The following RUVBL1 variants were observed in gnomAD, a reference collection of about 807,000 sequenced individuals.
The protein encoded by RUVBL1 is ruvB-like 1.
Under a neutral mutation model 52.4 loss-of-function variants are expected in RUVBL1, and 4 were observed. The ratio of observed to expected loss-of-function variants is 0.08; its 90% CI spans 0.04 to 0.17. The LOEUF (loss-of-function observed/expected upper bound fraction) is 0.17, where lower values mean the gene tolerates loss of function less well. RUVBL1 is among the 10% of genes least tolerant of loss of function. RUVBL1 has a pLI of 1.00. For missense variants in RUVBL1, 298 were observed against 572.8 expected, an observed-to-expected ratio of 0.52 and a Z score of 4.90; for synonymous variants, 217 against 214.4, an observed-to-expected ratio of 1.01 and a Z score of -0.10.
At chr3:128,141,484 T>TTTTTCTTTTC (rs112847567) in intron 1 of RUVBL1, among the ~76,000 whole-genome samples, 2 of 150,788 alleles carry the variant, frequency 1.3e-5, no homozygotes, top group African/African-American at 2.4e-5. Flanking sequence ...ACATGGACTT[T>TTTTTCTTTTC]TTTTCTTTTC....
chr3:128,137,469 A>C (rs531781374), intron 1 of RUVBL1, among the ~76,000 whole-genome samples: 1 of 152,346 alleles, frequency 6.6e-6, no homozygotes, highest in African/African-American at 2.4e-5. Context: ...TGACATATAC[A>C]ACCTGCCAAG....
chr3:128,152,569 CT>C (rs1430723056), intron 1 of RUVBL1, among the ~76,000 whole-genome samples: 2 of 152,182 alleles, frequency 1.3e-5, no homozygotes, highest in African/African-American at 2.4e-5. Context: ...CCCTCACCCC[CT>C]GAATGTAATA....
At chr3:128,112,192 C>T (rs907790208) in intron 3 of RUVBL1, among the ~76,000 whole-genome samples, 1 of 152,182 alleles carries the variant, frequency 6.6e-6, no homozygotes, top group East Asian at 1.9e-4. Flanking sequence ...AAAGAGAAGC[C>T]ATTTTCTTCT....
chr3:128,119,312 G>A lies in RUVBL1; in HGVS notation c.228+16C>T. 6.2e-7 allele frequency: 1 copy of A among 1,603,122 alleles called. No individual in the cohort carries two copies. Among genetic ancestry groups the A allele is most frequent in the South Asian group, 1.1e-5 (1 of 90,434 alleles). On this transcript the variant is annotated intron_variant, in intron 2 of 10. Coordinates refer to ENST00000322623, the MANE Select transcript of RUVBL1 (RefSeq NM_003707.3). ...ATTCTCCTGGGTAGATTTAAAAAAT[G>A]AGAGAAAATGAGTACCTTGCCAGTT...
chr3:128,109,228 A>G (rs945749343), intron 3 of RUVBL1, among the ~76,000 whole-genome samples: 4 of 152,098 alleles, frequency 2.6e-5, no homozygotes, highest in East Asian at 3.9e-4. Context: ...ATCCTTCTCT[A>G]TAAGTTTGTA....
In RUVBL1 at chr3:128,082,610, G is replaced by A; in HGVS notation, c.1120-36C>T. 6.7e-7 allele frequency: 1 copy of A among 1,482,250 alleles called. No homozygotes were observed. Among genetic ancestry groups the A allele is most frequent in the Non-Finnish European group, 9.4e-7 (1 of 1,067,840 alleles). 91.8% of individuals were successfully genotyped at this position (1,482,250 alleles called of 1,614,324 possible). On this transcript the variant is annotated intron_variant, in intron 9 of 10. Coordinates refer to ENST00000322623, the MANE Select transcript of RUVBL1 (RefSeq NM_003707.3). The surrounding 1 kb of genome is among the most constrained non-coding windows in gnomAD (Gnocchi z 4.7). ...ATAAAAAACATGATCAACGGTGACT[G>A]ACCTCAAGTGCCCCATTTCTAAAGT...
intron 1 of RUVBL1, among the ~76,000 whole-genome samples, chr3:128,136,636 A>AC (rs1267255445): frequency 3.3e-5 from 5 of 151,750 alleles, no homozygotes; most frequent in East Asian, 3.9e-4. Flanking sequence ...AAAAAAAAAA[A>AC]AAAACAATGA....
rs866310364 is a variant in RUVBL1, at chr3:128,105,871, T to C, written c.362-947A>G. On this transcript the variant is annotated intron_variant, in intron 3 of 10. Coordinates refer to ENST00000322623, the MANE Select transcript of RUVBL1 (RefSeq NM_003707.3). ...TTTCTTTCTTTCCCTTTTTCTTTTT[T>C]TTTTTTTTTTTTTTTTGAGATAGAA... Among the ~76,000 whole-genome samples, 799 of 139,540 alleles carry C rather than the reference T, an allele frequency of 5.7e-3. 3 individuals are homozygous for C. The highest frequency in any genetic ancestry group is 7.5e-3 in the African/African-American group (285 of 37,888). 91.5% of individuals were successfully genotyped at this position (139,540 alleles called of 152,430 possible). A position where few individuals can be genotyped will look rare whatever the true frequency, so the allele number is the denominator to read the frequency against.
intron 1 of RUVBL1, among the ~76,000 whole-genome samples, chr3:128,122,672 TA>T (rs1284592295): frequency 6.6e-6 from 1 of 152,222 alleles, no homozygotes; most frequent in East Asian, 1.9e-4. Context: ...CTTAACTTTA[TA>T]TTAAGTGAAG....
At chr3:128,123,507 G>A in intron 1 of RUVBL1, 77 bp downstream of exon 1, 2 of 1,413,450 alleles carry the variant, frequency 1.4e-6, no homozygotes, top group Non-Finnish European at 9.4e-7. Flanking sequence ...ATCCCGCCCC[G>A]AGCCACCGAC....
upstream of RUVBL1, among the ~76,000 whole-genome samples, chr3:128,128,047 CATACATAA>C (rs1189913242): frequency 3.8e-4 from 56 of 147,868 alleles, no homozygotes; most frequent in African/African-American, 1.3e-3. Flanking sequence ...TACATACATA[CATACATAA>C]ATACATAAAC....
chr3:128,074,484 A>G (rs9857070), intron 9 of RUVBL1, among the ~76,000 whole-genome samples: 6,643 of 152,226 alleles, frequency 0.044, 482 homozygotes, highest in African/African-American at 0.15. Flanking sequence ...GGGTTTCATT[A>G]GTCAGAACTC....
intron 1 of RUVBL1, among the ~76,000 whole-genome samples, chr3:128,145,440 C>A (rs578004361): frequency 2.0e-5 from 3 of 152,328 alleles, no homozygotes; most frequent in Admixed American, 1.3e-4. Flanking sequence ...CATTTGTCCT[C>A]AAAAAGCATG....
Position 128,067,723 on chromosome 3 carries a change from G to A in RUVBL1, c.940-2503C>T, listed in dbSNP as rs41266493. 4.8e-3 allele frequency: 4,437 copies of A among 926,024 alleles called. 29 individuals carry two copies. Among genetic ancestry groups the A allele is most frequent in the Non-Finnish European group, 4.9e-3 (2,980 of 614,118 alleles). 57.4% of individuals were successfully genotyped at this position (926,024 alleles called of 1,614,324 possible). A position where few individuals can be genotyped will look rare whatever the true frequency, so the allele number is the denominator to read the frequency against. ...GGTCTGTGACGTGTGCAGATAGATCGTCGTCCTTTAGGGGGCAGTTCAGAA... is the reference window on the plus strand; with the variant it reads ...GGTCTGTGACGTGTGCAGATAGATCATCGTCCTTTAGGGGGCAGTTCAGAA... On this transcript the variant is annotated intron_variant, in intron 9 of 9. Transcript: ENST00000464873. The surrounding 1 kb of genome is among the most constrained non-coding windows in gnomAD (Gnocchi z 4.1).
At chr3:128,077,459 GGGGTGAACACTGTTCTACCTCCCGA>G (rs1401154045), downstream of RUVBL1, among the ~76,000 whole-genome samples, 1 of 152,238 alleles carries the variant, frequency 6.6e-6, no homozygotes, top group Non-Finnish European at 1.5e-5. Context: ...ACGGATGAAG[GGGGTGAACACTGTTCTACCTCCCGA>G]GGGACCTCTT....
intron 2 of RUVBL1, 121 bp from the exon 3 acceptor site, chr3:128,113,141 T>C (rs1394577353): frequency 8.9e-7 from 1 of 1,118,230 alleles, no homozygotes; most frequent in African/African-American, 1.6e-5. Flanking sequence ...CCATTTAGCA[T>C]GTTTCACACA....
chr3:128,069,314 C>T (rs557038552), intron 9 of RUVBL1, among the ~76,000 whole-genome samples: 10 of 152,364 alleles, frequency 6.6e-5, no homozygotes, highest in East Asian at 5.8e-4. Flanking sequence ...TGGACAGCAG[C>T]GCCTTGGCCT....
chr3:128,091,273 T>C (rs1227223128), intron 8 of RUVBL1, among the ~76,000 whole-genome samples: 1 of 144,910 alleles, frequency 6.9e-6, no homozygotes, highest in East Asian at 2.0e-4. Context: ...TGCTAGGCCA[T>C]GTGCTGACCT....
chr3:128,152,904 G>GCCCCCC (rs1944255515), intron 1 of RUVBL1, among the ~76,000 whole-genome samples: 1 of 6,240 alleles, frequency 1.6e-4, no homozygotes, highest in Non-Finnish European at 2.7e-4. Context: ...ACGTCCCCCC[G>GCCCCCC]CCCTCCCCCG....
Sources: gnomAD v4.1 joint callset for allele counts (sites outside exome capture counted in the v4.1 genomes callset) on GRCh38, gnomAD v4.1.1 for gene constraint, Gnocchi (gnomAD v3.1) non-coding constraint, MANE v1.5 for transcripts, NCBI Gene and HGNC (gene_info 2026-07-23, HGNC 2026-07-21) for gene names.